Variants in ARB2A observed in about 807,000 individuals in gnomAD.
ARB2A encodes cotranscriptional regulator ARB2A.
chr5:93,795,423 C>G, the ARB2A span, among the ~76,000 whole-genome samples: 1 of 152,172 alleles, frequency 6.6e-6, no homozygotes, highest in Non-Finnish European at 1.5e-5. Context: ...TTTTCAGCAT[C>G]TCAGGGAGCC....
the ARB2A span, among the ~76,000 whole-genome samples, chr5:93,987,500 C>T: frequency 6.6e-6 from 1 of 152,140 alleles, no homozygotes; most frequent in Non-Finnish European, 1.5e-5. Flanking sequence ...TTAAATTTCA[C>T]TAAAATTATC....
the ARB2A span, among the ~76,000 whole-genome samples, chr5:94,041,795 G>T: frequency 6.6e-6 from 1 of 152,010 alleles, no homozygotes; most frequent in Non-Finnish European, 1.5e-5. Flanking sequence ...CCTAGATAAG[G>T]CCTGGGAAAT....
chr5:94,025,457 AG>A, the ARB2A span, among the ~76,000 whole-genome samples: 1 of 152,224 alleles, frequency 6.6e-6, no homozygotes. Flanking sequence ...TTTAACCTTT[AG>A]CTCCTAAAAG....
At chr5:93,647,242 C>G in the ARB2A span, among the ~76,000 whole-genome samples, 3 of 152,064 alleles carry the variant, frequency 2.0e-5, no homozygotes, top group African/African-American at 4.8e-5. Flanking sequence ...TTCTTCCCCC[C>G]CGAGACGGAG....
At chr5:94,016,070 A>C in the ARB2A span, among the ~76,000 whole-genome samples, 3 of 152,322 alleles carry the variant, frequency 2.0e-5, no homozygotes, top group Admixed American at 6.5e-5. Flanking sequence ...AGACACACAG[A>C]CTGAAAGTGA....
At chr5:93,887,023 A>G in the ARB2A span, among the ~76,000 whole-genome samples, 1 of 151,804 alleles carries the variant, frequency 6.6e-6, no homozygotes, top group Non-Finnish European at 1.5e-5. Flanking sequence ...TGCCACAAAA[A>G]GTTTTCAGAG....
the ARB2A span, chr5:94,055,522 A>G: frequency 2.0e-6 from 1 of 509,716 alleles, no homozygotes; most frequent in African/African-American, 2.1e-5. Context: ...CTTATATCAA[A>G]TTCAACTCAC....
the ARB2A span, among the ~76,000 whole-genome samples, chr5:93,751,036 C>A: frequency 6.6e-6 from 1 of 152,054 alleles, no homozygotes; most frequent in South Asian, 2.1e-4. Flanking sequence ...AATCTTCATG[C>A]CAATTTTGAT....
the ARB2A span, among the ~76,000 whole-genome samples, chr5:93,670,717 AAAC>A: frequency 6.6e-5 from 10 of 152,266 alleles, no homozygotes; most frequent in African/African-American, 1.2e-4. Context: ...GAGAACTTAC[AAAC>A]ATAATATTTC....
At chr5:93,763,857 C>T in the ARB2A span, among the ~76,000 whole-genome samples, 1 of 152,250 alleles carries the variant, frequency 6.6e-6, no homozygotes, top group African/African-American at 2.4e-5. Context: ...TCTCTCAGAC[C>T]ACAGTGCAAT....
chr5:93,896,634 A>T, the ARB2A span, among the ~76,000 whole-genome samples: 1 of 152,130 alleles, frequency 6.6e-6, no homozygotes, highest in Non-Finnish European at 1.5e-5. Context: ...TAATAGGAAT[A>T]CTAATAATTT....
At chr5:94,039,186 G>A in the ARB2A span, among the ~76,000 whole-genome samples, 16,177 of 152,216 alleles carry the variant, frequency 0.11, 979 homozygotes, top group Middle Eastern at 0.16. Flanking sequence ...AAGTTTGAAT[G>A]TAAGTGTCAG....
the ARB2A span, among the ~76,000 whole-genome samples, chr5:94,036,889 C>T: frequency 1.3e-5 from 2 of 152,124 alleles, no homozygotes; most frequent in East Asian, 1.9e-4. Context: ...CCATAATCAG[C>T]GCCACTGGGT....
chr5:94,080,765 GC>G, the ARB2A span, among the ~76,000 whole-genome samples: 1 of 152,308 alleles, frequency 6.6e-6, no homozygotes. Flanking sequence ...TTGAGGTTTT[GC>G]CAGGTCTCCA....
chr5:93,761,513 G>A, the ARB2A span, among the ~76,000 whole-genome samples: 1 of 152,188 alleles, frequency 6.6e-6, no homozygotes, highest in Non-Finnish European at 1.5e-5. Flanking sequence ...TGGGGGAAGG[G>A]CGCCCACCAT....
the ARB2A span, among the ~76,000 whole-genome samples, chr5:93,667,143 T>G: frequency 5.3e-5 from 8 of 152,212 alleles, no homozygotes; most frequent in Non-Finnish European, 1.0e-4. Flanking sequence ...TGAATATTCC[T>G]TAATTATTCC....
At chr5:94,076,770 G>C in the ARB2A span, among the ~76,000 whole-genome samples, 1 of 152,024 alleles carries the variant, frequency 6.6e-6, no homozygotes, top group South Asian at 2.1e-4. Context: ...CTACAACTAA[G>C]TTAACTACCT....
chr5:93,977,893 C>T, the ARB2A span, among the ~76,000 whole-genome samples: 3 of 152,054 alleles, frequency 2.0e-5, no homozygotes, highest in East Asian at 5.8e-4. Context: ...TATCTAGAAT[C>T]TGTAAGGTGC....
the ARB2A span, among the ~76,000 whole-genome samples, chr5:93,956,062 A>G: frequency 6.6e-6 from 1 of 152,254 alleles, no homozygotes; most frequent in Non-Finnish European, 1.5e-5. Context: ...TTATGCAATG[A>G]AGATTGTCAA....
Sources: gnomAD v4.1 joint callset for allele counts (sites outside exome capture counted in the v4.1 genomes callset) on GRCh38, gnomAD v4.1.1 for gene constraint, MANE v1.5 for transcripts, NCBI Gene and HGNC (gene_info 2026-07-23, HGNC 2026-07-21) for gene names.